Variants in DHDDS observed in about 807,000 individuals in gnomAD.
DHDDS encodes dehydrodolichyl diphosphate synthase subunit.
A neutral mutation model predicts 46.2 loss-of-function variants in DHDDS; 16 were observed. That is an observed-to-expected ratio of 0.35 (90% CI 0.23 to 0.53). The LOEUF (loss-of-function observed/expected upper bound fraction) is 0.53, where lower values mean the gene tolerates loss of function less well. Ranked by LOEUF, DHDDS falls within the 20% of genes least tolerant of loss-of-function variation. The pLI, the probability that DHDDS is intolerant of heterozygous loss-of-function variation, is 0.94. For synonymous variants in DHDDS, 151 were observed against 163.1 expected (o/e 0.93, Z 0.56); for missense variants, 340 against 423.7 (o/e 0.80, Z 1.73).
rs145604856 is a variant in DHDDS at position 26,467,379 on chromosome 1, C to T, written c.766-1516C>T. Reference sequence around the variant, plus strand: ...ACGGCAACTGTTCAAGCCCGAAGTCCTCATAGCTCCACATGTAATTCATTG... The same window carrying T: ...ACGGCAACTGTTCAAGCCCGAAGTCTTCATAGCTCCACATGTAATTCATTG... On this transcript the variant is annotated intron_variant, in intron 8 of 8. Coordinates refer to ENST00000236342, the MANE Select transcript of DHDDS (RefSeq NM_205861.3). The T allele has an allele frequency of 8.5e-6, 4 of 470,654 alleles. No homozygotes were observed. The East Asian group carries it at 2.1e-4, about 25-fold the overall frequency. 29.2% of individuals were successfully genotyped at this position (470,654 alleles called of 1,614,324 possible).
At position 26,471,117 on chromosome 1, in the gene DHDDS, ATAG is replaced by A. The variant is rs771914562; in HGVS notation, c.*1990_*1992del. Reference sequence around the variant, plus strand: ...GTCGCCCAGCAGCAAGGGCTGCAAAATAGTAGAACTCGTGGTTGCTTTGGACAG... The same window carrying A: ...GTCGCCCAGCAGCAAGGGCTGCAAAATAGAACTCGTGGTTGCTTTGGACAG... On this transcript the variant is annotated 3_prime_UTR_variant, in exon 9 of 9. Coordinates refer to ENST00000236342, the MANE Select transcript of DHDDS (RefSeq NM_205861.3). The A allele has an allele frequency of 9.2e-5, 14 of 152,198 alleles. No individual in the cohort carries two copies. The highest frequency in any genetic ancestry group is 7.7e-4 in the East Asian group (4 of 5,200). The allele number at this position is 152,198 out of a possible 1,614,324, so 9.4% of individuals were successfully genotyped here.
chr1:26,456,397 T>G (rs768142516), intron 6 of DHDDS, among the ~76,000 whole-genome samples: 8 of 150,812 alleles, frequency 5.3e-5, no homozygotes, highest in African/African-American at 9.8e-5. Flanking sequence ...ATGTTTTCTG[T>G]TTTTTTTTGT....
chr1:26,433,632 C>T (rs1211258057), intron 2 of DHDDS, among the ~76,000 whole-genome samples: 6 of 140,136 alleles, frequency 4.3e-5, no homozygotes, highest in East Asian at 2.1e-4. Flanking sequence ...GGTGACAGAA[C>T]GGGACTGTCT....
intron 8 of DHDDS, among the ~76,000 whole-genome samples, chr1:26,462,188 T>C (rs1276356657): frequency 1.3e-5 from 2 of 151,450 alleles, no homozygotes; most frequent in Non-Finnish European, 2.9e-5. Flanking sequence ...CCTGGCTGAT[T>C]TTTGTTATTT....
Position 26,433,554 on chromosome 1 carries a change from T to G in DHDDS, c.63+546T>G, listed in dbSNP as rs191865898. Among the ~76,000 whole-genome samples, 39 of 151,160 alleles carry G rather than the reference T, an allele frequency of 2.6e-4. No individual in the cohort carries two copies. The East Asian group carries it at 5.4e-3, about 21-fold the overall frequency. ...GTCCCAGCTACTCGGAAGGCTGAAG[T>G]GGGAGAATTTCTTGAGCCCAGGTCA... On this transcript the variant is annotated intron_variant, in intron 2 of 8. Transcript: ENST00000236342.
Position 26,432,984 on chromosome 1 carries a change from G to C in DHDDS, c.39G>C (p.Glu13Asp). 1 of 1,614,220 alleles carries C rather than the reference G, an allele frequency of 6.2e-7. No homozygotes were observed. Among genetic ancestry groups the C allele is most frequent in the South Asian group, 1.1e-5 (1 of 91,084 alleles). Residue 13 changes from glutamate (E) to aspartate (D), a missense_variant, in exon 2 of 9, where the codon GAG becomes GAC. By Grantham distance (45) the Glu-to-Asp change is conservative. Around this residue, in one of 2 missense-constraint regions of DHDDS, gnomAD observed 72 missense variants for 123.5 expected, o/e 0.58. Transcript: ENST00000236342. ...AGGAAGGAGAGCTGTCACTTTGGGA[G>C]CGGTTCTGTGCCAACATCATAAAGG... is the stretch of plus-strand genomic sequence containing the variant. ...WIKEGELSLW[E>D]RFCANIIKAG... is the part of the protein sequence containing the mutation.
At chr1:26,455,413 A>G (rs1302962875) in intron 6 of DHDDS, among the ~76,000 whole-genome samples, 7 of 152,168 alleles carry the variant, frequency 4.6e-5, no homozygotes, top group Admixed American at 4.6e-4. Flanking sequence ...GATACGGAAA[A>G]GAAAGCTCTC....
rs557424466 is a variant in DHDDS at position 26,435,949 on chromosome 1, C to T, written c.64-2219C>T. 8.3e-4 allele frequency among the ~76,000 whole-genome samples: 127 copies of T among 152,176 alleles called. 1 individual carries two copies. Among genetic ancestry groups the T allele is most frequent in the Non-Finnish European group, 1.4e-3 (96 of 67,988 alleles). On this transcript the variant is annotated intron_variant, in intron 2 of 8. Coordinates refer to ENST00000236342, the MANE Select transcript of DHDDS (RefSeq NM_205861.3). The stretch of plus-strand genomic sequence containing the variant: ...ATTTTTAGTAGAGATGGGGTTTCAA[C>T]ATGTTGGCCAGGCTGGTCTTGAACT...
At chr1:26,467,594 A>C in intron 8 of DHDDS, 1 of 292,890 alleles carries the variant, frequency 3.4e-6, no homozygotes, top group Non-Finnish European at 7.2e-6. Flanking sequence ...TGTGAGGGTC[A>C]AGTGAGGCAA....
In DHDDS at chr1:26,447,665, C is replaced by T. The variant is rs1033812946; in HGVS notation, c.542+5C>T. 1 of 1,613,036 alleles carries T rather than the reference C, an allele frequency of 6.2e-7. No homozygotes were observed. The highest frequency in any genetic ancestry group is 8.5e-7 in the Non-Finnish European group (1 of 1,179,048). On this transcript the variant is annotated splice_donor_5th_base_variant and intron_variant, in intron 6 of 8. Coordinates refer to ENST00000236342, the MANE Select transcript of DHDDS (RefSeq NM_205861.3). ...GCAAGGCCTGTTGGATCCCAGGTAT[C>T]CCGAGTTGTTTTGCATGGTAATTGT...
intron 3 of DHDDS, chr1:26,438,571 A>T (rs2075185107): frequency 2.7e-6 from 1 of 374,782 alleles, no homozygotes; most frequent in Non-Finnish European, 5.2e-6. Context: ...AAAAAAATTT[A>T]AAAATTAGCC....
rs193127894 is a variant in DHDDS, at chr1:26,465,890, G to T, written c.766-3005G>T. On this transcript the variant is annotated intron_variant, in intron 8 of 8. Transcript: ENST00000236342. ...AATGCATTCCTCATGCTGCTGACCT[G>T]GGCTGGCTGGTTGCAGCTTGGGGAA... Among the ~76,000 whole-genome samples, 565 of 152,278 alleles carry T rather than the reference G, an allele frequency of 3.7e-3. 4 individuals carry two copies. Among genetic ancestry groups the T allele is most frequent in the African/African-American group, 0.013 (542 of 41,544 alleles).
intron 8 of DHDDS, among the ~76,000 whole-genome samples, chr1:26,463,642 G>A (rs1237428300): frequency 6.6e-6 from 1 of 152,046 alleles, no homozygotes; most frequent in Non-Finnish European, 1.5e-5. Context: ...AAGTGGCTGG[G>A]ATTACAGGCA....
At chr1:26,463,245 T>C (rs967004832) in intron 8 of DHDDS, 2 of 151,928 alleles carry the variant, frequency 1.3e-5, no homozygotes, top group African/African-American at 4.8e-5. Context: ...CGCCTCGAGG[T>C]AGGGTGGTGG....
intron 6 of DHDDS, among the ~76,000 whole-genome samples, chr1:26,451,404 A>ATGTGTG (rs35376620): frequency 0.038 from 5,102 of 135,848 alleles, 124 homozygotes; most frequent in Non-Finnish European, 0.04. Context: ...ATGTATGTAG[A>ATGTGTG]TGTGTGTGTG....
Position 26,446,379 on chromosome 1 carries a change from G to A in DHDDS, c.387G>A (p.Leu129=). 6.2e-7 allele frequency: 1 copy of A among 1,614,038 alleles called. No homozygotes were observed. ...RVLGDLHLLP[L]DLQELIAQAV... Reference sequence around the variant, plus strand: ...TGGGCGATCTGCACTTGTTGCCCTTGGATCTCCAGGAGCTGATTGCACAAG... The same window carrying A: ...TGGGCGATCTGCACTTGTTGCCCTTAGATCTCCAGGAGCTGATTGCACAAG... Residue 129 remains leucine, a synonymous_variant, in exon 5 of 9, where the codon TTG becomes TTA. Coordinates refer to ENST00000236342, the MANE Select transcript of DHDDS (RefSeq NM_205861.3).
At position 26,471,102 on chromosome 1, in the gene DHDDS, A is replaced by T. The variant is rs953568742; in HGVS notation, c.*1971A>T. On this transcript the variant is annotated 3_prime_UTR_variant, in exon 9 of 9. Transcript: ENST00000236342. ...AGAGAGGTCGTCGTCGTCGCCCAGC[A>T]GCAAGGGCTGCAAAATAGTAGAACT... is the stretch of plus-strand genomic sequence containing the variant. The T allele has an allele frequency of 1.3e-5, 2 of 152,388 alleles. No homozygotes were observed. Among genetic ancestry groups the T allele is most frequent in the African/African-American group, 4.8e-5 (2 of 41,464 alleles). 9.4% of individuals were successfully genotyped at this position (152,388 alleles called of 1,614,324 possible).
chr1:26,439,058 G>A (rs1212715154), intron 3 of DHDDS, among the ~76,000 whole-genome samples: 1 of 152,134 alleles, frequency 6.6e-6, no homozygotes, highest in Non-Finnish European at 1.5e-5. Flanking sequence ...AGCCTCCTGA[G>A]TAGTTGAGAT....
intron 8 of DHDDS, 85 bp from the exon 9 acceptor site, chr1:26,468,810 T>TTG: frequency 2.4e-6 from 3 of 1,229,660 alleles, no homozygotes; most frequent in Non-Finnish European, 3.4e-6. Context: ...GCCCACCCTG[T>TTG]GCCCCACCCC....
Sources: allele counts gnomAD v4.1 joint callset (sites outside exome capture counted in the v4.1 genomes callset), GRCh38; gene constraint gnomAD v4.1.1; regional missense constraint gnomAD v4.1.1; transcripts MANE v1.5; gene names NCBI Gene and HGNC (gene_info 2026-07-23, HGNC 2026-07-21).